Variants in NOS3 observed in about 807,000 individuals in gnomAD.
NOS3 encodes NOS type III.
A neutral mutation model predicts 144.9 loss-of-function variants in NOS3; 98 were observed. The ratio of observed to expected loss-of-function variants is 0.68; its 90% CI spans 0.57 to 0.80. The LOEUF (loss-of-function observed/expected upper bound fraction) is 0.80. Among genes scored for constraint, NOS3 ranks in the 30% least tolerant of loss-of-function variants. The pLI is 0.00. For missense variants in NOS3, 1,465 were observed against 1,656.4 expected (o/e 0.88, Z 2.01); for synonymous variants, 714 against 702.4 (o/e 1.02, Z -0.26).
At position 151,002,312 on chromosome 7, in the gene NOS3, C is replaced by G. The variant is rs374722736; in HGVS notation, c.1752+8C>G. 15 of 1,518,496 alleles carry G rather than the reference C, an allele frequency of 9.9e-6. No homozygotes were observed. Among genetic ancestry groups the G allele is most frequent in the Non-Finnish European group, 1.4e-5 (15 of 1,109,102 alleles). 94.1% of individuals were successfully genotyped at this position (1,518,496 alleles called of 1,614,324 possible). A position where few individuals can be genotyped will look rare whatever the true frequency, so the allele number is the denominator to read the frequency against. On this transcript the variant is annotated splice_region_variant and intron_variant, in intron 14 of 26. Coordinates refer to ENST00000297494, the MANE Select transcript of NOS3 (RefSeq NM_000603.5). This position sits in a 1 kb window ranked among gnomAD's most constrained non-coding sequence, Gnocchi z 4.1. ...CCCCCGGAGAATGGAGAGGTGAGAA[C>G]TTCCAGGAAAGGGGCTGCTGGGAAT...
intron 1 of NOS3, among the ~76,000 whole-genome samples, chr7:150,992,359 G>A (rs1802271638): frequency 1.3e-5 from 2 of 152,132 alleles, no homozygotes; most frequent in South Asian, 4.1e-4. Flanking sequence ...GTAGGGGCTG[G>A]ATCCCATCCC....
rs1176232971 is a variant in NOS3, at chr7:150,998,284, T to C, written c.583-73T>C. On this transcript the variant is annotated intron_variant, in intron 5 of 26. Transcript: ENST00000297494. This position sits in a 1 kb window ranked among gnomAD's most constrained non-coding sequence, Gnocchi z 5.0. ...TGGCCCCTGCCTCCTCACCAGCAGC[T>C]CCTCTGGAGCTGATACTCAAGACCC... 1 of 1,381,192 alleles carries C rather than the reference T, an allele frequency of 7.2e-7. No individual in the cohort carries two copies. The highest frequency in any genetic ancestry group is 1.0e-6 in the Non-Finnish European group (1 of 992,160). The allele number at this position is 1,381,192 out of a possible 1,614,324, so 85.6% of individuals were successfully genotyped here.
intron 14 of NOS3, among the ~76,000 whole-genome samples, chr7:151,004,475 G>C (rs944526159): frequency 6.6e-6 from 1 of 152,150 alleles, no homozygotes; most frequent in African/African-American, 2.4e-5. Flanking sequence ...CACAGAAAAT[G>C]GGGTATATTC....
chr7:150,992,326 G>A (rs1192452918), intron 1 of NOS3, among the ~76,000 whole-genome samples: 1 of 152,146 alleles, frequency 6.6e-6, no homozygotes, highest in Non-Finnish European at 1.5e-5. Context: ...GTCTCCTCCA[G>A]CATGGTAGAA....
In NOS3 at chr7:151,013,292, C is replaced by T. The variant is rs1795347406; in HGVS notation, c.3168C>T (p.Leu1056=). The change falls in exon 25 of 27, where the codon CTC becomes CTT. Residue 1056 remains leucine (L), a synonymous_variant. Transcript: ENST00000297494. ...GCCGATGCTCCCAACTTGACCATCTCTACCGCGACGAGGTGCAGAACGCCC... is the reference window on the plus strand; with the variant it reads ...GCCGATGCTCCCAACTTGACCATCTTTACCGCGACGAGGTGCAGAACGCCC... The part of the protein sequence containing the change: ...FGCRCSQLDH[L]YRDEVQNAQQ... 6.2e-7 allele frequency: 1 copy of T among 1,614,106 alleles called. No homozygotes were observed. Among genetic ancestry groups the T allele is most frequent in the Non-Finnish European group, 8.5e-7 (1 of 1,180,014 alleles).
rs1296756760 is a variant in NOS3 at position 150,999,071 on chromosome 7, C to T, written c.942C>T (p.Pro314=). ...CCCCCGAGCTGGTCCTTGAGGTGCC[C>T]CTGGAGCACCCCACGTGAGCACCAA... ...LLPPELVLEV[P]LEHPTLEWFA... The change falls in exon 8 of 27, where the codon CCC becomes CCT. Residue 314 remains proline, a synonymous_variant. Coordinates refer to ENST00000297494, the MANE Select transcript of NOS3 (RefSeq NM_000603.5). 3 of 1,612,614 alleles carry T rather than the reference C, an allele frequency of 1.9e-6. No individual in the cohort carries two copies. Among genetic ancestry groups the T allele is most frequent in the Non-Finnish European group, 2.5e-6 (3 of 1,179,924 alleles).
intron 14 of NOS3, among the ~76,000 whole-genome samples, chr7:151,004,838 A>ATGTTTGTT (rs113307925): frequency 1.7e-4 from 25 of 151,056 alleles, no homozygotes; most frequent in African/African-American, 5.1e-4. Context: ...GATGCGGGTA[A>ATGTTTGTT]TGTTTGTTTG....
rs923641425 is a variant in NOS3, at chr7:151,013,681, G to A, written c.3256-43G>A. 9 of 1,201,048 alleles carry A rather than the reference G, an allele frequency of 7.5e-6. No individual in the cohort carries two copies. In the Admixed American group the frequency reaches 1.3e-4, roughly 17 times the overall value. 74.4% of individuals were successfully genotyped at this position (1,201,048 alleles called of 1,614,324 possible). On this transcript the variant is annotated intron_variant, in intron 25 of 26. Transcript: ENST00000297494. ...CAGCAGCCCCGGGCTGCGCCCCCGC[G>A]CCCACCCCCACCAGGGCCCGCCCTA...
intron 25 of NOS3, 45 bp downstream of exon 25, chr7:151,013,424 G>C: frequency 6.3e-7 from 1 of 1,580,582 alleles, no homozygotes; most frequent in South Asian, 1.1e-5. Context: ...GATAGGGAGA[G>C]AGGGGAGGAC....
At chr7:151,001,677 C>T in intron 12 of NOS3, 60 bp downstream of exon 12, 2 of 1,567,248 alleles carry the variant, frequency 1.3e-6, no homozygotes, top group Admixed American at 1.7e-5. Flanking sequence ...CTCTCCCCCA[C>T]ACACCCTGGG....
chr7:151,007,344 C>A, intron 17 of NOS3, 68 bp downstream of exon 17: 1 of 1,469,370 alleles, frequency 6.8e-7, no homozygotes, highest in East Asian at 2.4e-5. Context: ...TCACTCTGCC[C>A]TGATTCTGTT....
intron 24 of NOS3, chr7:151,012,986 C>T: frequency 1.9e-6 from 1 of 526,220 alleles, no homozygotes; most frequent in Non-Finnish European, 3.3e-6. Flanking sequence ...TCCGAAGCCG[C>T]GCATTCTAGC....
intron 8 of NOS3, 34 bp downstream of exon 8, chr7:150,999,119 A>G (rs776572699): frequency 1.2e-6 from 2 of 1,612,270 alleles, no homozygotes. Context: ...GGTGGGATGG[A>G]GGGGGCCATC....
At chr7:150,995,719 G>A (rs186749171) in intron 3 of NOS3, among the ~76,000 whole-genome samples, 5 of 202 alleles carry the variant, frequency 0.025, no homozygotes, top group African/African-American at 0.13. Flanking sequence ...CCTCTCCAGC[G>A]TCCCACCCCT....
At position 151,007,247 on chromosome 7, in the gene NOS3, T is replaced by C; in HGVS notation, c.2083T>C (p.Phe695Leu). Residue 695 changes from phenylalanine to leucine, a missense_variant, in exon 17 of 27, where the codon TTC becomes CTC. By Grantham distance (22) the Phe-to-Leu change is conservative (BLOSUM62 0). This residue lies in a region of NOS3 where 745 missense variants were observed against 853.9 expected (regional missense o/e 0.87). Coordinates refer to ENST00000297494, the MANE Select transcript of NOS3 (RefSeq NM_000603.5). ...GDELCGQEEAFRGWAQAAFQA... is the reference protein window; with the variant it reads ...GDELCGQEEALRGWAQAAFQA... The stretch of plus-strand genomic sequence containing the variant: ...CGAGCTGTGCGGCCAGGAGGAGGCC[T>C]TCCGAGGCTGGGCCCAGGCTGCCTT... 6.2e-7 allele frequency: 1 copy of C among 1,604,908 alleles called. No individual in the cohort carries two copies.
chr7:150,998,414 C>G lies in NOS3; in HGVS notation c.640C>G (p.His214Asp), dbSNP rs1197804854. 2 of 1,612,464 alleles carry G rather than the reference C, an allele frequency of 1.2e-6. No individual in the cohort carries two copies. Among genetic ancestry groups the G allele is most frequent in the South Asian group, 1.1e-5 (1 of 91,042 alleles). ...AQEMFTYICN[H>D]IKYATNRGNL... ...GGAAATGTTCACCTACATCTGCAAC[C>G]ACATCAAGTATGCCACCAACCGGGG... Residue 214 changes from histidine to aspartate, a missense_variant, in exon 6 of 27, where the codon CAC (histidine) becomes GAC (aspartate). This residue lies in a region of NOS3 where 374 missense variants were observed against 377.0 expected (regional missense o/e 0.99). Transcript: ENST00000297494. This position sits in a 1 kb window ranked among gnomAD's most constrained non-coding sequence, Gnocchi z 5.0.
At position 150,993,230 on chromosome 7, in the gene NOS3, A is replaced by G. The variant is rs898340761; in HGVS notation, c.-51-523A>G. Among the ~76,000 whole-genome samples the G allele has an allele frequency of 1.3e-5, 2 of 152,164 alleles. No homozygotes were observed. Among genetic ancestry groups the G allele is most frequent in the African/African-American group, 4.8e-5 (2 of 41,444 alleles). On this transcript the variant is annotated intron_variant, in intron 1 of 26. Coordinates refer to ENST00000297494, the MANE Select transcript of NOS3 (RefSeq NM_000603.5). This position sits in a 1 kb window ranked among gnomAD's most constrained non-coding sequence, Gnocchi z 4.0. ...ACATCCTTGCTGGGCCTCTATCCCC[A>G]AGAACCCAAAAGGACTCAAGGGTGG... is the stretch of plus-strand genomic sequence containing the variant.
intron 9 of NOS3, 139 bp from the exon 10 acceptor site, chr7:151,000,359 C>G (rs1332108701): frequency 1.6e-6 from 1 of 637,046 alleles, no homozygotes. Context: ...CTGAACCAGC[C>G]CCCTAGGCAG....
chr7:151,009,381 C>T lies in NOS3; in HGVS notation c.2325-17C>T, dbSNP rs1410522293. The T allele has an allele frequency of 5.8e-6, 8 of 1,386,396 alleles. No individual in the cohort carries two copies. In the South Asian group the frequency reaches 1.0e-4, roughly 18 times the overall value. The allele number at this position is 1,386,396 out of a possible 1,614,324, so 85.9% of individuals were successfully genotyped here. ...CCCTCTCTGACTCCCCATAAGTGCC[C>T]CTCTCCCCACCCCCAGGAGGGCCAC... On this transcript the variant is annotated splice_polypyrimidine_tract_variant and intron_variant, in intron 19 of 26. Coordinates refer to ENST00000297494, the MANE Select transcript of NOS3 (RefSeq NM_000603.5).
Sources: gnomAD v4.1 joint callset for allele counts (sites outside exome capture counted in the v4.1 genomes callset) on GRCh38, gnomAD v4.1.1 for gene constraint, gnomAD v4.1.1 regional missense constraint, Gnocchi (gnomAD v3.1) non-coding constraint, MANE v1.5 for transcripts, NCBI Gene and HGNC (gene_info 2026-07-23, HGNC 2026-07-21) for gene names.